NOA1: variants seen among roughly 807,000 people sequenced by gnomAD.
NOA1 encodes the protein nitric oxide associated 1.
In NOA1, 35 loss-of-function variants were observed where a neutral mutation model predicts 58.4. The ratio of observed to expected loss-of-function variants is 0.60; its 90% CI spans 0.46 to 0.79. The LOEUF is 0.79. NOA1 is among the 30% of genes least tolerant of loss of function. The probability of loss-of-function intolerance (pLI) is 0.00; values close to 1 mark genes in which losing one functional copy is unlikely to be tolerated. For synonymous variants in NOA1, 397 were observed against 373.4 expected, an observed-to-expected ratio of 1.06 and a Z score of -0.73; for missense variants, 895 against 894.6, an observed-to-expected ratio of 1.00 and a Z score of -0.01.
chr4:56,976,061 C>G (rs777327343), intron 1 of NOA1, among the ~76,000 whole-genome samples: 8 of 152,076 alleles, frequency 5.3e-5, no homozygotes, highest in Non-Finnish European at 1.0e-4. Flanking sequence ...ACAAAACAAA[C>G]AAACAAAACA....
At chr4:56,972,427 G>T (rs116121549) in intron 3 of NOA1, among the ~76,000 whole-genome samples, 207 of 152,274 alleles carry the variant, frequency 1.4e-3, no homozygotes, top group African/African-American at 4.9e-3. Context: ...GAAGAGATGG[G>T]ACGTTACATT....
In NOA1 at chr4:56,976,925, C is replaced by T. The variant is rs752315662; in HGVS notation, c.661G>A (p.Val221Met). The change falls in exon 1 of 7, where the codon GTG (valine) becomes ATG (methionine). Residue 221 changes from valine to methionine, a missense_variant. Coordinates refer to ENST00000264230, the MANE Select transcript of NOA1 (RefSeq NM_032313.4). Reference protein sequence around the residue: ...RPGPSLVLYMVDLLDLPDALL... With the variant: ...RPGPSLVLYMMDLLDLPDALL... ...GCGTCGGGCAGGTCCAGCAGGTCCACCATGTAGAGCACCAGGGAGGGGCCG... is the reference window on the plus strand; with the variant it reads ...GCGTCGGGCAGGTCCAGCAGGTCCATCATGTAGAGCACCAGGGAGGGGCCG... 6.2e-7 allele frequency: 1 copy of T among 1,610,124 alleles called. No homozygotes were observed. Among genetic ancestry groups the T allele is most frequent in the East Asian group, 2.2e-5 (1 of 44,850 alleles).
Position 56,973,730 on chromosome 4 carries a change from T to C in NOA1, c.1309+128A>G, listed in dbSNP as rs1426528125. ...TAGCCTTATCGCTAAAGGGCCTCTTTGTTGCAGAATAAGGAAGGCAGTCTC... is the reference window on the plus strand; with the variant it reads ...TAGCCTTATCGCTAAAGGGCCTCTTCGTTGCAGAATAAGGAAGGCAGTCTC... On this transcript the variant is annotated intron_variant, in intron 2 of 6. Transcript: ENST00000264230. 6 of 895,242 alleles carry C rather than the reference T, an allele frequency of 6.7e-6. No homozygotes were observed. In the East Asian group the frequency reaches 1.2e-4, roughly 18 times the overall value. 55.5% of individuals were successfully genotyped at this position (895,242 alleles called of 1,614,324 possible). A position where few individuals can be genotyped will look rare whatever the true frequency, so the allele number is the denominator to read the frequency against.
At chr4:56,964,119 G>A (rs932782474) in intron 6 of NOA1, among the ~76,000 whole-genome samples, 2 of 151,384 alleles carry the variant, frequency 1.3e-5, no homozygotes, top group Non-Finnish European at 2.9e-5. Context: ...CCAGGCTGGA[G>A]TGCAATGGCA....
chr4:56,965,443 C>T (rs1289400693), intron 5 of NOA1, among the ~76,000 whole-genome samples: 1 of 151,862 alleles, frequency 6.6e-6, no homozygotes, highest in African/African-American at 2.4e-5. Flanking sequence ...AATACAAGGT[C>T]AGAAATGTAA....
At chr4:56,963,724 C>T in intron 6 of NOA1, 63 bp from the exon 7 acceptor site, 1 of 1,248,594 alleles carries the variant, frequency 8.0e-7, no homozygotes. Context: ...AAATACCAAA[C>T]CAAAGCTGAA....
chr4:56,977,446 C>G lies in NOA1; in HGVS notation c.140G>C (p.Ser47Thr), dbSNP rs749222936. ...GTCATAAGGAAGCTCGCGTCCCAGA[C>G]TCGATGAGTGCTGGAAGGAGGAGGC... Reference protein sequence around the residue: ...AAASSFQHSSSLGRELPYDPV... With the variant: ...AAASSFQHSSTLGRELPYDPV... Residue 47 changes from serine to threonine, a missense_variant, in exon 1 of 7, where the codon AGT becomes ACT. Transcript: ENST00000264230. 14 of 1,614,180 alleles carry G rather than the reference C, an allele frequency of 8.7e-6. No homozygotes were observed. The highest frequency in any genetic ancestry group is 1.2e-5 in the Non-Finnish European group (14 of 1,180,038).
At chr4:56,975,037 C>T (rs1721877011) in intron 1 of NOA1, among the ~76,000 whole-genome samples, 1 of 150,804 alleles carries the variant, frequency 6.6e-6, no homozygotes, top group Non-Finnish European at 1.5e-5. Flanking sequence ...ACTGATACTT[C>T]TGTTTTTTTG....
Position 56,977,220 on chromosome 4 carries a change from C to T in NOA1, c.366G>A (p.Arg122=), listed in dbSNP as rs1197786517. The change falls in exon 1 of 7, where the codon CGG becomes CGA. Residue 122 remains arginine, a synonymous_variant. Coordinates refer to ENST00000264230, the MANE Select transcript of NOA1 (RefSeq NM_032313.4). ...CCGGGTGCCCCACGACCGGGTGCTC[C>T]CGGGACCTGGCCCGTAGGTTTTGCT... ...RRQQNLRARS[R]EHPVVGHPDP... The T allele has an allele frequency of 6.3e-7, 1 of 1,581,090 alleles. No individual in the cohort carries two copies. Among genetic ancestry groups the T allele is most frequent in the Non-Finnish European group, 8.6e-7 (1 of 1,165,752 alleles).
Position 56,976,646 on chromosome 4 carries a change from G to T in NOA1, c.940C>A (p.Arg314=). 6.2e-7 allele frequency: 1 copy of T among 1,614,182 alleles called. No homozygotes were observed. The change falls in exon 1 of 7, where the codon CGG becomes AGG. Residue 314 remains arginine, a synonymous_variant. Coordinates refer to ENST00000264230, the MANE Select transcript of NOA1 (RefSeq NM_032313.4). ...TAGCCGGTCTTGGCGCTGATCAGCC[G>T]CACGTCCCTGACCACTGTGCGGGAC... is the stretch of plus-strand genomic sequence containing the variant. ...NWSRTVVRDV[R]LISAKTGYGV...
intron 3 of NOA1, among the ~76,000 whole-genome samples, chr4:56,968,919 T>C (rs1560464074): frequency 6.6e-6 from 1 of 152,226 alleles, no homozygotes; most frequent in Non-Finnish European, 1.5e-5. Context: ...CGTGACCTTA[T>C]GTCCTAGTGG....
At chr4:56,968,314 A>T in intron 4 of NOA1, 70 bp downstream of exon 4, 1 of 1,452,584 alleles carries the variant, frequency 6.9e-7, no homozygotes, top group Non-Finnish European at 9.5e-7. Context: ...AGTCGTGTTC[A>T]TACATCTGCT....
rs1180423498 is a variant in NOA1, at chr4:56,968,430, C to T, written c.1601G>A (p.Gly534Glu). ...TATAGCACCCAAAAACAGAACCATTCCTGGTTTAAGCACAAAAGTTCTTGG... is the reference window on the plus strand; with the variant it reads ...TATAGCACCCAAAAACAGAACCATTTCTGGTTTAAGCACAAAAGTTCTTGG... ...IVPRTFVLKPGMVLFLGAIGR... is the reference protein window; with the variant it reads ...IVPRTFVLKPEMVLFLGAIGR... Residue 534 changes from glycine (G) to glutamate (E), a missense_variant, in exon 4 of 7, where the codon GGA (glycine) becomes GAA (glutamate). Gly to Glu is a moderately conservative substitution (Grantham distance 98, BLOSUM62 -2). This residue lies in a region of NOA1 where 212 missense variants were observed against 221.3 expected (regional missense o/e 0.96). Transcript: ENST00000264230. 2 of 1,613,048 alleles carry T rather than the reference C, an allele frequency of 1.2e-6. No individual in the cohort carries two copies. Among genetic ancestry groups the T allele is most frequent in the Non-Finnish European group, 1.7e-6 (2 of 1,179,812 alleles).
Position 56,964,444 on chromosome 4 carries a change from GC to G in NOA1, c.1846del (p.Ala616HisfsTer18). 6.2e-7 allele frequency: 1 copy of G among 1,614,108 alleles called. No homozygotes were observed. Among genetic ancestry groups the G allele is most frequent in the African/African-American group, 1.3e-5 (1 of 75,030 alleles). ...CTTGATGTCGGCCACTGCTTCAGAT[GC>G]CCCCAGTCCTTCTTTTAACATAATG... is the stretch of plus-strand genomic sequence containing the variant. ...EDIMLKEGLGASEAVADIKFS... is the reference protein window; with the variant it reads ...EDIMLKEGLGXSEAVADIKFS... On this transcript the variant is annotated frameshift_variant, in exon 6 of 7. Coordinates refer to ENST00000264230, the MANE Select transcript of NOA1 (RefSeq NM_032313.4). LOFTEE classifies it high-confidence loss of function.
chr4:56,976,452 G>A lies in NOA1; in HGVS notation c.1134C>T (p.Ser378=). Residue 378 remains serine, a synonymous_variant, in exon 1 of 7, where the codon TCC becomes TCT. Transcript: ENST00000264230. ...CCTCCTAAAACTCACCTGGCCAAGG[G>A]GAGATGGTGGCTCTGTCGATGGCCT... The part of the protein sequence containing the change: ...GSEAIDRATI[S]PWPGTTLNLL... 1 of 1,612,864 alleles carries A rather than the reference G, an allele frequency of 6.2e-7. No individual in the cohort carries two copies. The highest frequency in any genetic ancestry group is 8.5e-7 in the Non-Finnish European group (1 of 1,178,956).
chr4:56,976,987 T>G lies in NOA1; in HGVS notation c.599A>C (p.Gln200Pro). 1 of 1,595,534 alleles carries G rather than the reference T, an allele frequency of 6.3e-7. No individual in the cohort carries two copies. Among genetic ancestry groups the G allele is most frequent in the East Asian group, 2.2e-5 (1 of 44,650 alleles). The change falls in exon 1 of 7, where the codon CAG (glutamine) becomes CCG (proline). Residue 200 changes from glutamine to proline, a missense_variant. By Grantham distance (76) the Gln-to-Pro change is moderately conservative. This residue lies in a region of NOA1 where 680 missense variants were observed against 656.5 expected (regional missense o/e 1.04). Coordinates refer to ENST00000264230, the MANE Select transcript of NOA1 (RefSeq NM_032313.4). ...RALRLQVSRE[Q>P]YLELVSAALR... is the part of the protein sequence containing the mutation. ...CGCGGCGCTCACCAGCTCCAGGTAC[T>G]GCTCGCGGCTCACCTGCAGGCGTAG...
chr4:56,977,573 G>T lies in NOA1; in HGVS notation c.13C>A (p.Arg5Ser), dbSNP rs1267787971. The change falls in exon 1 of 7, where the codon CGC becomes AGC. Residue 5 changes from arginine (R) to serine (S), a missense_variant. This residue lies in a region of NOA1 where 680 missense variants were observed against 656.5 expected (regional missense o/e 1.04). Transcript: ENST00000264230. MLPA[R>S]LPFRLLSLFL... ...AGGCTCAGCAGCCTGAACGGTAGGCGAGCGGGCAGCATGAGGAAGTAGCTC... is the reference window on the plus strand; with the variant it reads ...AGGCTCAGCAGCCTGAACGGTAGGCTAGCGGGCAGCATGAGGAAGTAGCTC... The T allele has an allele frequency of 6.9e-6, 11 of 1,589,938 alleles. No individual in the cohort carries two copies. Among genetic ancestry groups the T allele is most frequent in the Non-Finnish European group, 8.6e-6 (10 of 1,167,176 alleles).
intron 1 of NOA1, 136 bp from the exon 2 acceptor site, chr4:56,974,158 G>C (rs929313885): frequency 1.5e-6 from 1 of 661,726 alleles, no homozygotes; most frequent in Non-Finnish European, 2.5e-6. Context: ...GAGGAAATAG[G>C]TTAAGAGATT....
rs11553076 is a variant in NOA1, at chr4:56,977,125, C to A, written c.461G>T (p.Gly154Val). The A allele has an allele frequency of 6.4e-7, 1 of 1,555,544 alleles. No homozygotes were observed. The highest frequency in any genetic ancestry group is 1.9e-5 in the Admixed American group (1 of 53,390). ...CGAELHCQDA[G>V]VPGYLPREKF... ...CTCTCGGGGCAGGTAGCCGGGCACT[C>A]CGGCGTCCTGGCAGTGCAGCTCTGC... Residue 154 changes from glycine to valine, a missense_variant, in exon 1 of 7, where the codon GGA becomes GTA. Coordinates refer to ENST00000264230, the MANE Select transcript of NOA1 (RefSeq NM_032313.4).
Sources: gnomAD v4.1 joint callset for allele counts (sites outside exome capture counted in the v4.1 genomes callset) on GRCh38, gnomAD v4.1.1 for gene constraint, gnomAD v4.1.1 regional missense constraint, MANE v1.5 for transcripts, NCBI Gene and HGNC (gene_info 2026-07-23, HGNC 2026-07-21) for gene names.